Variants in MARCHF10 observed in about 807,000 individuals in gnomAD.
MARCHF10 encodes the protein probable E3 ubiquitin-protein ligase MARCHF10.
MARCHF10 carries 64 observed loss-of-function variants against 76.2 expected under a neutral mutation model. The observed-to-expected ratio is 0.84, with a 90% CI of 0.69 to 1.03. The LOEUF is 1.03. Among genes scored for constraint, MARCHF10 ranks in the 50% least tolerant of loss-of-function variants. The pLI is 0.00. For missense variants in MARCHF10, 875 were observed against 958.0 expected (o/e 0.91, Z 1.14); for synonymous variants, 340 against 357.5 (o/e 0.95, Z 0.55).
Position 62,736,796 on chromosome 17 carries a change from T to G in MARCHF10, c.1072A>C (p.Asn358His). The change falls in exon 6 of 11, where the codon AAT becomes CAT. Residue 358 changes from asparagine to histidine, a missense_variant. Transcript: ENST00000311269. ...CGCTCTGTTGCTGGCTCCATTGCAT[T>G]GCTTATTCTCAATGAGCCATGACTG... is the stretch of plus-strand genomic sequence containing the variant. ...EPSHGSLRISNAMEPATERPS... is the reference protein window; with the variant it reads ...EPSHGSLRISHAMEPATERPS... 1.2e-6 allele frequency: 2 copies of G among 1,614,190 alleles called. No homozygotes were observed. Among genetic ancestry groups the G allele is most frequent in the Non-Finnish European group, 1.7e-6 (2 of 1,180,036 alleles).
intron 6 of MARCHF10, among the ~76,000 whole-genome samples, chr17:62,726,804 T>G (rs1028453565): frequency 6.6e-6 from 1 of 152,146 alleles, no homozygotes; most frequent in African/African-American, 2.4e-5. Context: ...AATTTTTGTA[T>G]TTTTAGTAGA....
intron 4 of MARCHF10, among the ~76,000 whole-genome samples, chr17:62,754,562 G>A (rs2091986691): frequency 6.6e-6 from 1 of 152,084 alleles, no homozygotes; most frequent in African/African-American, 2.4e-5. Flanking sequence ...TACCTGGTGA[G>A]ACTGGCAAGG....
chr17:62,790,694 T>C (rs2092827489), intron 2 of MARCHF10, among the ~76,000 whole-genome samples: 1 of 152,168 alleles, frequency 6.6e-6, no homozygotes, highest in Non-Finnish European at 1.5e-5. Flanking sequence ...AGAAAAAGCA[T>C]CTCCTTCCGT....
At chr17:62,741,603 T>C (rs1235376256) in intron 5 of MARCHF10, among the ~76,000 whole-genome samples, 2 of 152,248 alleles carry the variant, frequency 1.3e-5, no homozygotes, top group Non-Finnish European at 2.9e-5. Context: ...TAGATTTACA[T>C]TTATTACCTT....
In MARCHF10 at chr17:62,730,252, C is replaced by T. The variant is rs529874026; in HGVS notation, c.1938-5148G>A. Among the ~76,000 whole-genome samples, 7 of 151,940 alleles carry T rather than the reference C, an allele frequency of 4.6e-5. No homozygotes were observed. In the South Asian group the frequency reaches 1.2e-3, roughly 27 times the overall value. ...AAACAAAAACAAAACCATAAATCAA[C>T]AATAAATGTGTATAATTGATGGAGC... On this transcript the variant is annotated intron_variant, in intron 6 of 10. Transcript: ENST00000311269.
intron 9 of MARCHF10, among the ~76,000 whole-genome samples, chr17:62,710,996 A>G (rs2089903562): frequency 6.6e-6 from 1 of 152,168 alleles, no homozygotes; most frequent in South Asian, 2.1e-4. Flanking sequence ...ACCATTGATG[A>G]CCATTTAATT....
chr17:62,802,122 AT>A (rs1452983152), intron 1 of MARCHF10, among the ~76,000 whole-genome samples: 5 of 152,310 alleles, frequency 3.3e-5, no homozygotes, highest in Non-Finnish European at 7.3e-5. Flanking sequence ...ACTTAAATTC[AT>A]TTATGCAACA....
At chr17:62,774,256 G>C (rs1374875043) in intron 3 of MARCHF10, among the ~76,000 whole-genome samples, 4 of 152,148 alleles carry the variant, frequency 2.6e-5, no homozygotes, top group African/African-American at 9.7e-5. Context: ...GGACGGAGGA[G>C]GGCACTTGAG....
intron 8 of MARCHF10, among the ~76,000 whole-genome samples, chr17:62,721,130 A>G (rs772694569): frequency 6.6e-6 from 1 of 152,034 alleles, no homozygotes; most frequent in Non-Finnish European, 1.5e-5. Flanking sequence ...TGGCCTCCCA[A>G]AGTGCTGGGA....
intron 9 of MARCHF10, among the ~76,000 whole-genome samples, chr17:62,708,446 G>A (rs35399343): frequency 0.053 from 8,131 of 152,114 alleles, 342 homozygotes; most frequent in African/African-American, 0.12. Flanking sequence ...GGGTTTCACC[G>A]TGTTAGCCAG....
At chr17:62,787,061 A>C (rs983488203) in intron 3 of MARCHF10, among the ~76,000 whole-genome samples, 4 of 152,172 alleles carry the variant, frequency 2.6e-5, no homozygotes, top group South Asian at 4.1e-4. Context: ...GATAAATCTC[A>C]CTCCTTAAGT....
At chr17:62,748,045 T>C (rs1216290136) in intron 4 of MARCHF10, among the ~76,000 whole-genome samples, 1 of 152,204 alleles carries the variant, frequency 6.6e-6, no homozygotes. Context: ...CTTCTCTGTC[T>C]GTAAGTGCAG....
At chr17:62,704,422 C>T (rs927550221) in intron 10 of MARCHF10, among the ~76,000 whole-genome samples, 5 of 152,188 alleles carry the variant, frequency 3.3e-5, no homozygotes, top group East Asian at 1.9e-4. Flanking sequence ...CTCCCGGGCT[C>T]CTTTTGTGGA....
At chr17:62,729,319 G>A (rs1194651908) in intron 6 of MARCHF10, among the ~76,000 whole-genome samples, 1 of 151,664 alleles carries the variant, frequency 6.6e-6, no homozygotes, top group East Asian at 1.9e-4. Context: ...CTTTTCTAAT[G>A]CCATAGCATA....
intron 4 of MARCHF10, among the ~76,000 whole-genome samples, chr17:62,751,741 C>G (rs2091902814): frequency 6.6e-6 from 1 of 152,176 alleles, no homozygotes. Flanking sequence ...TCACCTAAGG[C>G]TGGGCGTGGT....
chr17:62,710,314 T>C (rs1041001111), intron 9 of MARCHF10, among the ~76,000 whole-genome samples: 16 of 152,222 alleles, frequency 1.1e-4, no homozygotes, highest in African/African-American at 3.4e-4. Flanking sequence ...CATATCCTGC[T>C]TCTGGTACTT....
chr17:62,800,026 A>T (rs999876173), intron 2 of MARCHF10, among the ~76,000 whole-genome samples: 4 of 152,170 alleles, frequency 2.6e-5, no homozygotes, highest in Non-Finnish European at 5.9e-5. Flanking sequence ...CAACCCCTTA[A>T]CCTGTTTTAT....
intron 4 of MARCHF10, among the ~76,000 whole-genome samples, chr17:62,752,389 C>A (rs572183650): frequency 2.0e-5 from 3 of 152,306 alleles, no homozygotes; most frequent in South Asian, 4.1e-4. Context: ...TCCCCAGGTG[C>A]TTCCTGGCAT....
intron 5 of MARCHF10, 39 bp downstream of exon 5, chr17:62,744,337 C>T: frequency 3.2e-6 from 5 of 1,586,216 alleles, no homozygotes; most frequent in Non-Finnish European, 4.3e-6. Context: ...ATCAGTCCTC[C>T]TCTCCAAGGA....
Sources: gnomAD v4.1 joint callset for allele counts (sites outside exome capture counted in the v4.1 genomes callset) on GRCh38, gnomAD v4.1.1 for gene constraint, MANE v1.5 for transcripts, NCBI Gene and HGNC (gene_info 2026-07-23, HGNC 2026-07-21) for gene names.